Variants in ZNF385C observed in about 807,000 individuals in gnomAD.
ZNF385C encodes zinc finger protein 385C.
Under a neutral mutation model 35.4 loss-of-function variants are expected in ZNF385C, and 28 were observed. That is an observed-to-expected ratio of 0.79 (90% CI 0.59 to 1.08). ZNF385C has a LOEUF of 1.08. Among genes scored for constraint, ZNF385C ranks in the 50% least tolerant of loss-of-function variants. ZNF385C has a pLI of 0.00. For synonymous variants in ZNF385C, 248 were observed against 248.2 expected, an observed-to-expected ratio of 1.00 and a Z score of 0.01; for missense variants, 605 against 595.6, an observed-to-expected ratio of 1.02 and a Z score of -0.16.
chr17:42,094,129 A>T (rs1176014329), intron 1 of ZNF385C, among the ~76,000 whole-genome samples: 3 of 152,112 alleles, frequency 2.0e-5, no homozygotes, highest in African/African-American at 7.2e-5. Flanking sequence ...GATTACAGGC[A>T]TGCGCCACCG....
chr17:42,075,341 TC>T (rs2053672544), intron 1 of ZNF385C, among the ~76,000 whole-genome samples: 1 of 152,028 alleles, frequency 6.6e-6, no homozygotes, highest in Non-Finnish European at 1.5e-5. Context: ...TGAGCGCTCC[TC>T]CCCCAGGGTA....
chr17:42,053,441 G>C (rs933125819), intron 2 of ZNF385C, among the ~76,000 whole-genome samples: 4 of 152,032 alleles, frequency 2.6e-5, no homozygotes, highest in Non-Finnish European at 4.4e-5. Flanking sequence ...TTTCTGTGCT[G>C]CAGTAACAGC....
chr17:42,039,930 G>C lies in ZNF385C; in HGVS notation c.251-2045C>G, dbSNP rs1170545434. 3.5e-5 allele frequency: 43 copies of C among 1,231,088 alleles called. No homozygotes were observed. The East Asian group carries it at 1.3e-3, about 37-fold the overall frequency. 76.3% of individuals were successfully genotyped at this position (1,231,088 alleles called of 1,614,324 possible). On this transcript the variant is annotated intron_variant, in intron 2 of 8. Transcript: ENST00000692273. Reference sequence around the variant, plus strand: ...CCGCGGGCAGCGCCAAAGCCAAGGCGGCTAGGGCGGCGAAGTCGGGGAAGA... The same window carrying C: ...CCGCGGGCAGCGCCAAAGCCAAGGCCGCTAGGGCGGCGAAGTCGGGGAAGA...
rs1400615379 is a variant in ZNF385C, at chr17:42,031,648, C to G, written c.647G>C (p.Ser216Thr). 4.5e-6 allele frequency: 7 copies of G among 1,550,568 alleles called. No individual in the cohort carries two copies. The African/African-American group carries it at 8.2e-5, about 18-fold the overall frequency. ...ACTCTGTGGCTCTCCAGGGGCTCCA[C>G]TGGCCAGCGTTGGGATTGGGGACAC... ...AVVSPIPTLA[S>T]GAPGEPQSKV... The change falls in exon 5 of 9, where the codon AGT (serine) becomes ACT (threonine). Residue 216 changes from serine to threonine, a missense_variant. Coordinates refer to ENST00000692273, the MANE Select transcript of ZNF385C (RefSeq NM_001392013.1).
At chr17:42,027,907 T>C in intron 7 of ZNF385C, 143 bp downstream of exon 7, 1 of 1,247,396 alleles carries the variant, frequency 8.0e-7, no homozygotes. Flanking sequence ...TTGCCCTTAA[T>C]TGGCCCACTG....
chr17:42,043,572 G>GAA, intron 2 of ZNF385C: 2 of 414,806 alleles, frequency 4.8e-6, no homozygotes, highest in Admixed American at 8.9e-5. Context: ...GACTGGAGAT[G>GAA]AAAGAGACAG....
intron 1 of ZNF385C, among the ~76,000 whole-genome samples, chr17:42,080,150 T>C (rs2053733116): frequency 6.6e-6 from 1 of 152,172 alleles, no homozygotes; most frequent in South Asian, 2.1e-4. Flanking sequence ...CTCCAGAATA[T>C]TAGCTGCAAT....
intron 1 of ZNF385C, among the ~76,000 whole-genome samples, chr17:42,097,483 C>A (rs533808477): frequency 1.3e-5 from 2 of 152,110 alleles, no homozygotes; most frequent in Non-Finnish European, 2.9e-5. Flanking sequence ...CAAAGGCTTG[C>A]GATGATCTCA....
chr17:42,025,589 T>A lies in ZNF385C; in HGVS notation c.*1308A>T, dbSNP rs2052557156. The A allele has an allele frequency of 6.6e-6, 1 of 152,514 alleles. No homozygotes were observed. The highest frequency in any genetic ancestry group is 2.4e-5 in the African/African-American group (1 of 41,418). The allele number at this position is 152,514 out of a possible 1,614,324, so 9.4% of individuals were successfully genotyped here. On this transcript the variant is annotated 3_prime_UTR_variant, in exon 9 of 9. Coordinates refer to ENST00000692273, the MANE Select transcript of ZNF385C (RefSeq NM_001392013.1). ...ACACACACAGGCTTGGGCTTCAAGT[T>A]CATTTATTGATGCATTGGTTGGACA...
chr17:42,044,918 CT>C (rs71157603), intron 2 of ZNF385C, among the ~76,000 whole-genome samples: 96 of 132,578 alleles, frequency 7.2e-4, no homozygotes, highest in African/African-American at 2.0e-3. Context: ...CCAACTCTAC[CT>C]TTTTTTTTTT....
intron 1 of ZNF385C, among the ~76,000 whole-genome samples, chr17:42,096,954 C>G (rs1555661005): frequency 6.8e-6 from 1 of 146,880 alleles, no homozygotes; most frequent in African/African-American, 2.5e-5. Flanking sequence ...GTGAAGGGCA[C>G]TCTTTCTAGC....
chr17:42,086,357 G>A (rs2053808136), intron 1 of ZNF385C, among the ~76,000 whole-genome samples: 1 of 151,374 alleles, frequency 6.6e-6, no homozygotes, highest in Non-Finnish European at 1.5e-5. Flanking sequence ...GCTTCGGCCT[G>A]GGCAACAGAG....
At chr17:42,034,465 C>T in intron 3 of ZNF385C, 130 bp from the exon 4 acceptor site, 2 of 646,740 alleles carry the variant, frequency 3.1e-6, no homozygotes, top group Admixed American at 5.4e-5. Context: ...AAGAACTTTT[C>T]CATCCTGTGG....
At chr17:42,057,504 G>GCA (rs1295191396) in intron 2 of ZNF385C, among the ~76,000 whole-genome samples, 6 of 24,106 alleles carry the variant, frequency 2.5e-4, no homozygotes, top group African/African-American at 6.1e-4. Flanking sequence ...GTGTGCGCGC[G>GCA]CGCGCGCGCG....
At chr17:42,090,757 C>CG (rs1887653682) in intron 1 of ZNF385C, among the ~76,000 whole-genome samples, 1 of 152,130 alleles carries the variant, frequency 6.6e-6, no homozygotes, top group South Asian at 2.1e-4. Context: ...TGGTGGGCAC[C>CG]TGTAGTCCCA....
chr17:42,027,731 A>C lies in ZNF385C; in HGVS notation c.1165-3T>G, dbSNP rs782731350. The stretch of plus-strand genomic sequence containing the variant: ...TTGTGCCTCCTGCTGCTCATGTGCT[A>C]ATGGACAGACAGACAGACTGGGAAC... On this transcript the variant is annotated splice_polypyrimidine_tract_variant and splice_region_variant and intron_variant, in intron 7 of 8. Coordinates refer to ENST00000692273, the MANE Select transcript of ZNF385C (RefSeq NM_001392013.1). 1 of 1,611,358 alleles carries C rather than the reference A, an allele frequency of 6.2e-7. No homozygotes were observed. The highest frequency in any genetic ancestry group is 8.5e-7 in the Non-Finnish European group (1 of 1,179,116).
Position 42,034,281 on chromosome 17 carries a change from G to A in ZNF385C, c.454C>T (p.Leu152=), listed in dbSNP as rs1217542210. Reference sequence around the variant, plus strand: ...CAGGAAATGAACAGCTTCTTCTTCAGAGGGGAGGGGACACCAAACGTGTGG... The same window carrying A: ...CAGGAAATGAACAGCTTCTTCTTCAAAGGGGAGGGGACACCAAACGTGTGG... The part of the protein sequence containing the change: ...ISHTFGVPSP[L]KKKLFISCNI... The change falls in exon 4 of 9, where the codon CTG becomes TTG. Residue 152 remains leucine (L), a synonymous_variant. Coordinates refer to ENST00000692273, the MANE Select transcript of ZNF385C (RefSeq NM_001392013.1). 2.6e-6 allele frequency: 4 copies of A among 1,550,544 alleles called. No homozygotes were observed. Among genetic ancestry groups the A allele is most frequent in the Admixed American group, 2.0e-5 (1 of 50,974 alleles).
At chr17:42,060,323 A>G (rs1366628873) in intron 2 of ZNF385C, among the ~76,000 whole-genome samples, 6 of 152,152 alleles carry the variant, frequency 3.9e-5, no homozygotes, top group African/African-American at 1.4e-4. Flanking sequence ...CTCGAGCCAG[A>G]GACACCTAAA....
chr17:42,080,002 G>T lies in ZNF385C; in HGVS notation c.-2-16944C>A, dbSNP rs1598203533. Among the ~76,000 whole-genome samples, 3 of 152,270 alleles carry T rather than the reference G, an allele frequency of 2.0e-5. No individual in the cohort carries two copies. In the South Asian group the frequency reaches 6.2e-4, roughly 32 times the overall value. ...CCCAACTCAGAGCTCTATTCAGCTT[G>T]TATTTGTTGCCAACACAACAGAAAT... On this transcript the variant is annotated intron_variant, in intron 1 of 8. Coordinates refer to ENST00000692273, the MANE Select transcript of ZNF385C (RefSeq NM_001392013.1).
Sources: gnomAD v4.1 joint callset for allele counts (sites outside exome capture counted in the v4.1 genomes callset) on GRCh38, gnomAD v4.1.1 for gene constraint, MANE v1.5 for transcripts, NCBI Gene and HGNC (gene_info 2026-07-23, HGNC 2026-07-21) for gene names.